SNX29: variants seen among roughly 807,000 people sequenced by gnomAD.
SNX29 encodes the protein sorting nexin 29, also known as sorting nexin-29.
In SNX29, 78 loss-of-function variants were observed where a neutral mutation model predicts 102.1. That is an observed-to-expected ratio of 0.76 (90% CI 0.64 to 0.92). SNX29 has a LOEUF of 0.92. Among genes scored for constraint, SNX29 ranks in the 40% least tolerant of loss-of-function variants. The pLI is 0.00. For missense variants in SNX29, 1,280 were observed against 1,061.7 expected, an observed-to-expected ratio of 1.21 and a Z score of -2.86; for synonymous variants, 580 against 414.5, an observed-to-expected ratio of 1.40 and a Z score of -4.85.
chr16:12,468,953 A>C (rs1373114050), intron 18 of SNX29, among the ~76,000 whole-genome samples: 1 of 152,246 alleles, frequency 6.6e-6, no homozygotes, highest in Non-Finnish European at 1.5e-5. Context: ...TCAAATGTCC[A>C]GAGACAGTAG....
chr16:12,168,263 G>C (rs897681672), intron 13 of SNX29, among the ~76,000 whole-genome samples: 2 of 152,222 alleles, frequency 1.3e-5, no homozygotes, highest in Non-Finnish European at 2.9e-5. Context: ...CATTTGAGCA[G>C]ATGAGGGTGG....
At chr16:12,486,334 C>T (rs146855753) in intron 19 of SNX29, among the ~76,000 whole-genome samples, 5 of 152,272 alleles carry the variant, frequency 3.3e-5, no homozygotes, top group African/African-American at 9.6e-5. Flanking sequence ...CTGCAGTGGC[C>T]CCTGTACAGT....
At chr16:12,351,289 A>G (rs1197178002) in intron 15 of SNX29, among the ~76,000 whole-genome samples, 1 of 152,178 alleles carries the variant, frequency 6.6e-6, no homozygotes, top group East Asian at 1.9e-4. Flanking sequence ...TGCCATCATC[A>G]CAGAAAGAGG....
At chr16:12,421,579 G>A (rs1354318359) in intron 18 of SNX29, among the ~76,000 whole-genome samples, 5 of 152,208 alleles carry the variant, frequency 3.3e-5, no homozygotes, top group Admixed American at 6.5e-5. Context: ...TCCTATCAGA[G>A]TGCTGTTAGA....
chr16:12,548,300 C>T (rs191411174), intron 20 of SNX29, among the ~76,000 whole-genome samples: 1 of 152,252 alleles, frequency 6.6e-6, no homozygotes, highest in South Asian at 2.1e-4. Context: ...AGCTACTGTC[C>T]CTGGAGCCCT....
intron 18 of SNX29, among the ~76,000 whole-genome samples, chr16:12,464,866 C>A (rs1176318423): frequency 6.6e-6 from 1 of 152,138 alleles, no homozygotes; most frequent in East Asian, 1.9e-4. Flanking sequence ...TACTTTCCTG[C>A]CAATAGCGTA....
chr16:12,278,097 A>G, intron 15 of SNX29, 61 bp downstream of exon 15: 1 of 1,447,812 alleles, frequency 6.9e-7, no homozygotes, highest in Non-Finnish European at 9.5e-7. Flanking sequence ...GAGACTTTCC[A>G]GGGTAGGTCC....
intron 14 of SNX29, among the ~76,000 whole-genome samples, chr16:12,215,904 C>G (rs2077311190): frequency 6.6e-6 from 1 of 152,124 alleles, no homozygotes; most frequent in African/African-American, 2.4e-5. Flanking sequence ...TAGCAGAGTG[C>G]AGGGGTCCTC....
chr16:12,016,553 C>T (rs534626537), intron 3 of SNX29, among the ~76,000 whole-genome samples: 5 of 152,212 alleles, frequency 3.3e-5, no homozygotes, highest in African/African-American at 1.2e-4. Context: ...GGCAGTGATC[C>T]AGTTTCTCTG....
At chr16:12,253,741 G>A (rs981085272) in intron 14 of SNX29, among the ~76,000 whole-genome samples, 2 of 152,166 alleles carry the variant, frequency 1.3e-5, no homozygotes, top group African/African-American at 4.8e-5. Context: ...CCGCAGGTGG[G>A]AATGAGAAGG....
intron 15 of SNX29, among the ~76,000 whole-genome samples, chr16:12,303,525 A>G (rs756718277): frequency 1.3e-5 from 2 of 152,204 alleles, no homozygotes; most frequent in African/African-American, 2.4e-5. Flanking sequence ...AAAGTGTAGA[A>G]TGGAACAGGA....
At position 12,472,453 on chromosome 16, in the gene SNX29, A is replaced by G. The variant is rs113092057; in HGVS notation, c.2038-5266A>G. Among the ~76,000 whole-genome samples the G allele has an allele frequency of 3.3e-3, 463 of 141,142 alleles. 6 individuals carry two copies. Among genetic ancestry groups the G allele is most frequent in the African/African-American group, 0.011 (436 of 38,362 alleles). The allele number at this position is 141,142 out of a possible 152,430, so 92.6% of individuals were successfully genotyped here. On this transcript the variant is annotated intron_variant, in intron 18 of 20. Coordinates refer to ENST00000566228, the MANE Select transcript of SNX29 (RefSeq NM_032167.5). ...AGAATCACTTGAACCTGGGAGGTGG[A>G]GGTTGCAGTGAGCTGAGATCATGCC...
At chr16:12,526,835 T>A (rs914156902) in intron 20 of SNX29, 1 of 403,828 alleles carries the variant, frequency 2.5e-6, no homozygotes, top group African/African-American at 2.0e-5. Flanking sequence ...TTCCCAAACA[T>A]TCGCGTGCCG....
intron 18 of SNX29, among the ~76,000 whole-genome samples, chr16:12,452,974 G>C (rs180677173): frequency 6.6e-6 from 1 of 152,318 alleles, no homozygotes; most frequent in East Asian, 1.9e-4. Flanking sequence ...GTCTTGGCTA[G>C]TTGCTAGGCA....
chr16:12,346,249 G>A (rs2081800810), intron 15 of SNX29, among the ~76,000 whole-genome samples: 1 of 152,140 alleles, frequency 6.6e-6, no homozygotes, highest in South Asian at 2.1e-4. Context: ...TTGGAGAGAT[G>A]AAGGATGTAG....
intron 20 of SNX29, among the ~76,000 whole-genome samples, chr16:12,552,011 C>G (rs1224564767): frequency 3.9e-5 from 6 of 152,188 alleles, no homozygotes; most frequent in East Asian, 1.9e-4. Flanking sequence ...GTCCCTGTCT[C>G]TAAAAAACGT....
chr16:12,142,325 A>C lies in SNX29; in HGVS notation c.1595+12567A>C, dbSNP rs570256155. On this transcript the variant is annotated intron_variant, in intron 13 of 20. Coordinates refer to ENST00000566228, the MANE Select transcript of SNX29 (RefSeq NM_032167.5). Reference sequence around the variant, plus strand: ...TTGGCTGAGTCTCCTGAGCTGAGTGAGTTGTGCCCTTCGCCATTGTTAAGC... The same window carrying C: ...TTGGCTGAGTCTCCTGAGCTGAGTGCGTTGTGCCCTTCGCCATTGTTAAGC... 1.5e-4 allele frequency among the ~76,000 whole-genome samples: 22 copies of C among 150,534 alleles called. 1 individual carries two copies. The South Asian group carries it at 2.6e-3, about 18-fold the overall frequency.
At position 12,568,685 on chromosome 16, in the gene SNX29, AGCCACT is replaced by A. The variant is rs982809808; in HGVS notation, c.*60_*65del. The A allele has an allele frequency of 6.3e-7, 1 of 1,583,240 alleles. No individual in the cohort carries two copies. ...GCGTGGCACCAGCTGCGTCCACCCC[AGCCACT>A]GCCGCTGGCCCCTCACCTCAGCGTG... On this transcript the variant is annotated 3_prime_UTR_variant, in exon 21 of 21. Coordinates refer to ENST00000566228, the MANE Select transcript of SNX29 (RefSeq NM_032167.5).
chr16:12,124,176 T>A (rs574100484), intron 11 of SNX29, among the ~76,000 whole-genome samples: 1 of 152,124 alleles, frequency 6.6e-6, no homozygotes, highest in South Asian at 2.1e-4. Flanking sequence ...GCCAACATGG[T>A]GAAACCCCAT....
Sources: allele counts gnomAD v4.1 joint callset (sites outside exome capture counted in the v4.1 genomes callset), GRCh38; gene constraint gnomAD v4.1.1; transcripts MANE v1.5; gene names NCBI Gene and HGNC (gene_info 2026-07-23, HGNC 2026-07-21).